Variants in MSN observed in about 807,000 individuals in gnomAD.
The protein encoded by MSN is epididymis luminal protein 70.
A neutral mutation model predicts 48.0 loss-of-function variants in MSN; 2 were observed. That is an observed-to-expected ratio of 0.04 (90% CI 0.02 to 0.13). The LOEUF is 0.13. MSN is among the 10% of genes least tolerant of loss of function. MSN has a pLI of 1.00. For synonymous variants in MSN, 146 were observed against 166.9 expected, an observed-to-expected ratio of 0.87 and a Z score of 0.97; for missense variants, 267 against 470.1, an observed-to-expected ratio of 0.57 and a Z score of 3.99.
At chrX:65,676,848 G>C (rs761737557) in intron 1 of MSN, among the ~76,000 whole-genome samples, 1 of 107,852 alleles carries the variant, frequency 9.3e-6, no homozygotes, top group Non-Finnish European at 1.9e-5. Context: ...TTTTTGAGAC[G>C]GAGTCTTGCT....
At position 65,735,260 on chromosome X, in the gene MSN, C is replaced by T. The variant is rs1333162094; in HGVS notation, c.796-7C>T. 1 of 1,206,250 alleles carries T rather than the reference C, an allele frequency of 8.3e-7. No homozygotes were observed. The highest frequency in any genetic ancestry group is 1.7e-5 in the African/African-American group (1 of 57,248). On this transcript the variant is annotated splice_region_variant and splice_polypyrimidine_tract_variant and intron_variant, in intron 7 of 12. Coordinates refer to ENST00000360270, the MANE Select transcript of MSN (RefSeq NM_002444.3). The stretch of plus-strand genomic sequence containing the variant: ...CAAATTCTTTCTGATTGCTGATTTC[C>T]CACCAGGACTTCGTCTTCTATGCTC...
chrX:65,731,795 C>T (rs748673583), intron 5 of MSN, 43 bp from the exon 6 acceptor site: 1 of 1,186,689 alleles, frequency 8.4e-7, no homozygotes, highest in East Asian at 3.0e-5. Flanking sequence ...TTGGGTCTGA[C>T]TCACAAGCCC....
chrX:65,607,243 C>A (rs778467354), intron 1 of MSN, among the ~76,000 whole-genome samples: 5 of 111,983 alleles, frequency 4.5e-5, no homozygotes, highest in Non-Finnish European at 9.4e-5. Flanking sequence ...GACCACAAAG[C>A]TTGCCAGCTT....
chrX:65,729,816 G>A, intron 4 of MSN, 104 bp downstream of exon 4: 1 of 872,885 alleles, frequency 1.1e-6, no homozygotes. Context: ...CTTCTCCATT[G>A]GGGTCTGTCT....
chrX:65,669,290 C>T (rs1437921741), intron 1 of MSN, among the ~76,000 whole-genome samples: 1 of 110,668 alleles, frequency 9.0e-6, no homozygotes, highest in East Asian at 2.8e-4. Flanking sequence ...CTGTCAGGAG[C>T]GGCTCTTTGG....
Position 65,716,918 on chromosome X carries a change from T to G in MSN, c.96+17T>G, listed in dbSNP as rs1172373736. 1.7e-6 allele frequency: 2 copies of G among 1,189,302 alleles called. No homozygotes were observed. Among genetic ancestry groups the G allele is most frequent in the Non-Finnish European group, 2.3e-6 (2 of 875,852 alleles). On this transcript the variant is annotated intron_variant, in intron 2 of 12. Coordinates refer to ENST00000360270, the MANE Select transcript of MSN (RefSeq NM_002444.3). ...TTTGACCAGGTAAGGCGGAGACTCC[T>G]TAGCCTCCTCTCCTTCTCTGAATAG...
chrX:65,689,557 C>T (rs1415319204), intron 1 of MSN, among the ~76,000 whole-genome samples: 2 of 111,338 alleles, frequency 1.8e-5, no homozygotes, highest in African/African-American at 6.5e-5. Context: ...CAGTCTGTGG[C>T]CAGGTAGTTC....
At chrX:65,588,739 G>A in intron 1 of MSN, 1 of 474,773 alleles carries the variant, frequency 2.1e-6, no homozygotes, top group Non-Finnish European at 2.7e-6. Flanking sequence ...CAGGGGGTAG[G>A]GGACACTGAA....
At chrX:65,674,730 C>T (rs2070979459) in intron 1 of MSN, among the ~76,000 whole-genome samples, 1 of 111,584 alleles carries the variant, frequency 9.0e-6, no homozygotes, top group Non-Finnish European at 1.9e-5. Flanking sequence ...ATCTCCTGGC[C>T]TCAAAGTTCA....
chrX:65,655,077 G>C (rs1321568761), intron 1 of MSN, among the ~76,000 whole-genome samples: 1 of 111,000 alleles, frequency 9.0e-6, no homozygotes, highest in Admixed American at 9.6e-5. Context: ...ACAGAGCCTA[G>C]TACAGTGCCT....
chrX:65,638,446 T>A (rs2070623032), intron 1 of MSN, among the ~76,000 whole-genome samples: 1 of 112,962 alleles, frequency 8.9e-6, no homozygotes, highest in Non-Finnish European at 1.9e-5. Context: ...AAACTGTAAG[T>A]ACCTTGAAGG....
chrX:65,661,761 T>C lies in MSN; in HGVS notation c.-21-55057T>C, dbSNP rs775025374. The stretch of plus-strand genomic sequence containing the variant: ...GAGACTGGGCACTGTGGCTGACACC[T>C]GTAATCCCAGCACTTTGGAAAGTTG... On this transcript the variant is annotated intron_variant, in intron 1 of 3. Coordinates refer to the MSN transcript ENST00000609672. Among the ~76,000 whole-genome samples the C allele has an allele frequency of 1.5e-4, 17 of 112,194 alleles. No individual in the cohort carries two copies. The South Asian group carries it at 5.9e-3, about 39-fold the overall frequency.
At chrX:65,666,445 G>A (rs1001088700), upstream of MSN, among the ~76,000 whole-genome samples, 2 of 109,834 alleles carry the variant, frequency 1.8e-5, no homozygotes, top group Non-Finnish European at 3.8e-5. Context: ...TCCCTCCTCA[G>A]CCTCCCGAGT....
chrX:65,736,687 C>A (rs1230666023), intron 8 of MSN, 108 bp from the exon 9 acceptor site: 5 of 897,877 alleles, frequency 5.6e-6, no homozygotes, highest in Non-Finnish European at 7.5e-6. Flanking sequence ...CTGCCCACCT[C>A]GGCCTCCCAA....
At chrX:65,638,207 T>C (rs1440974506) in intron 1 of MSN, among the ~76,000 whole-genome samples, 2 of 112,713 alleles carry the variant, frequency 1.8e-5, no homozygotes, top group African/African-American at 6.4e-5. Context: ...TATTTTGTAC[T>C]TGATGTGTGC....
At chrX:65,649,259 G>GTATA (rs59584763) in intron 1 of MSN, among the ~76,000 whole-genome samples, 20 of 97,938 alleles carry the variant, frequency 2.0e-4, no homozygotes, top group South Asian at 4.6e-4. Context: ...ATATATATAT[G>GTATA]TATATATATA....
intron 1 of MSN, among the ~76,000 whole-genome samples, chrX:65,597,586 G>A (rs1213262825): frequency 2.7e-5 from 3 of 111,444 alleles, no homozygotes; most frequent in Admixed American, 9.6e-5. Flanking sequence ...AGGCTCAAGC[G>A]ATCTTCCTAC....
At chrX:65,683,191 T>C (rs2071074644) in intron 1 of MSN, among the ~76,000 whole-genome samples, 1 of 111,986 alleles carries the variant, frequency 8.9e-6, no homozygotes, top group Non-Finnish European at 1.9e-5. Context: ...CATTATGGCA[T>C]GGCCAGCAGG....
intron 2 of MSN, among the ~76,000 whole-genome samples, chrX:65,721,217 A>G (rs900584101): frequency 8.9e-6 from 1 of 112,235 alleles, no homozygotes; most frequent in African/African-American, 3.2e-5. Flanking sequence ...GTCAGGTTCC[A>G]TGGGGTGATA....
Sources: gnomAD v4.1 joint callset for allele counts (sites outside exome capture counted in the v4.1 genomes callset) on GRCh38, gnomAD v4.1.1 for gene constraint, MANE v1.5 for transcripts, NCBI Gene and HGNC (gene_info 2026-07-23, HGNC 2026-07-21) for gene names.